The following MGAT4C variants were observed in gnomAD, a reference collection of about 807,000 sequenced individuals.
MGAT4C encodes the protein alpha-1,3-mannosyl-glycoprotein 4-beta-N-acetylglucosaminyltransferase C.
A neutral mutation model predicts 40.1 loss-of-function variants in MGAT4C; 19 were observed. That is an observed-to-expected ratio of 0.47 (90% CI 0.33 to 0.70). The LOEUF (loss-of-function observed/expected upper bound fraction) is 0.70. Ranked by LOEUF, MGAT4C falls within the 30% of genes least tolerant of loss-of-function variation. The pLI is 0.02. For synonymous variants in MGAT4C, 181 were observed against 187.1 expected, an observed-to-expected ratio of 0.97 and a Z score of 0.27; for missense variants, 491 against 563.2, an observed-to-expected ratio of 0.87 and a Z score of 1.30.
At chr12:86,294,242 G>T (rs1169133936) in intron 4 of MGAT4C, among the ~76,000 whole-genome samples, 1 of 151,964 alleles carries the variant, frequency 6.6e-6, no homozygotes, top group African/African-American at 2.4e-5. Flanking sequence ...ATGTTTGGGG[G>T]CCTCCTTTCC....
At chr12:86,529,144 G>A (rs925664979) in intron 2 of MGAT4C, among the ~76,000 whole-genome samples, 7 of 152,024 alleles carry the variant, frequency 4.6e-5, no homozygotes, top group African/African-American at 1.7e-4. Flanking sequence ...ATCCAAAGGG[G>A]CAAGTGCATT....
At chr12:86,021,342 T>C (rs989118470) in intron 2 of MGAT4C, among the ~76,000 whole-genome samples, 39 of 151,912 alleles carry the variant, frequency 2.6e-4, no homozygotes, top group African/African-American at 9.0e-4. Context: ...CCAACACAAA[T>C]GTCCAACAAA....
chr12:86,520,662 C>T (rs1958777553), intron 2 of MGAT4C, among the ~76,000 whole-genome samples: 1 of 152,104 alleles, frequency 6.6e-6, no homozygotes, highest in Admixed American at 6.6e-5. Context: ...CACTGTCTTC[C>T]ACAATGGTTG....
chr12:86,317,280 G>A (rs1346085608), intron 4 of MGAT4C, among the ~76,000 whole-genome samples: 1 of 151,718 alleles, frequency 6.6e-6, no homozygotes, highest in Non-Finnish European at 1.5e-5. Flanking sequence ...GGAAGAGAGA[G>A]GTGAAGGAAG....
intron 3 of MGAT4C, among the ~76,000 whole-genome samples, chr12:86,369,383 G>C (rs1215702894): frequency 1.3e-5 from 2 of 151,592 alleles, no homozygotes; most frequent in Non-Finnish European, 3.0e-5. Flanking sequence ...TGTTGTTTTT[G>C]TGTCTTTTTG....
chr12:86,015,892 G>C, intron 2 of MGAT4C: 1 of 152,186 alleles, frequency 6.6e-6, no homozygotes, highest in East Asian at 1.9e-4. Flanking sequence ...CGTGAAGCTG[G>C]TAGGTGAGTG....
chr12:86,465,759 G>A (rs1472653407), intron 2 of MGAT4C, among the ~76,000 whole-genome samples: 3 of 152,142 alleles, frequency 2.0e-5, no homozygotes, highest in African/African-American at 7.2e-5. Flanking sequence ...GGAGCAATGG[G>A]AGCTCTCTTT....
chr12:86,463,612 G>C (rs1957634285), intron 2 of MGAT4C, among the ~76,000 whole-genome samples: 1 of 151,834 alleles, frequency 6.6e-6, no homozygotes, highest in African/African-American at 2.4e-5. Context: ...ATACAAATTA[G>C]GTTAGATTCA....
chr12:86,394,154 G>A (rs1245568632), intron 3 of MGAT4C, among the ~76,000 whole-genome samples: 3 of 152,266 alleles, frequency 2.0e-5, no homozygotes, highest in Middle Eastern at 3.4e-3. Flanking sequence ...AGAGAAGAGG[G>A]AAGGATTACT....
intron 1 of MGAT4C, among the ~76,000 whole-genome samples, chr12:86,100,049 T>C (rs1214110123): frequency 6.7e-6 from 1 of 149,728 alleles, no homozygotes; most frequent in African/African-American, 2.4e-5. Flanking sequence ...GAATCTTTTA[T>C]TCTATTAAAT....
intron 2 of MGAT4C, among the ~76,000 whole-genome samples, chr12:86,684,400 A>T (rs1343934502): frequency 6.6e-6 from 1 of 152,204 alleles, no homozygotes; most frequent in African/African-American, 2.4e-5. Context: ...CATGGTATAT[A>T]TGTGCCACAT....
chr12:86,001,140 A>G (rs1225769328), intron 2 of MGAT4C, among the ~76,000 whole-genome samples: 4 of 152,074 alleles, frequency 2.6e-5, no homozygotes, highest in African/African-American at 7.2e-5. Context: ...ACCCACCACT[A>G]TCTCCCAGGT....
At chr12:86,247,148 T>G (rs566186408) in intron 1 of MGAT4C, among the ~76,000 whole-genome samples, 4 of 152,218 alleles carry the variant, frequency 2.6e-5, no homozygotes, top group Non-Finnish European at 4.4e-5. Context: ...GCACAATCTG[T>G]TCTCTTACTT....
intron 2 of MGAT4C, among the ~76,000 whole-genome samples, chr12:86,715,756 T>G (rs1271335374): frequency 6.6e-6 from 1 of 152,180 alleles, no homozygotes; most frequent in African/African-American, 2.4e-5. Context: ...CTAGACTTAT[T>G]TGATGTCTTA....
intron 4 of MGAT4C, among the ~76,000 whole-genome samples, chr12:86,317,098 T>C (rs866217437): frequency 6.6e-6 from 1 of 152,054 alleles, no homozygotes; most frequent in South Asian, 2.1e-4. Flanking sequence ...ATAATAGTAA[T>C]TGGCTCTATT....
At chr12:86,523,258 T>C (rs1014406126) in intron 2 of MGAT4C, among the ~76,000 whole-genome samples, 3 of 152,168 alleles carry the variant, frequency 2.0e-5, no homozygotes, top group African/African-American at 7.2e-5. Flanking sequence ...AATACTGCCT[T>C]TGCTGTTTCT....
intron 2 of MGAT4C, among the ~76,000 whole-genome samples, chr12:86,614,777 T>C (rs981962016): frequency 6.6e-6 from 1 of 152,026 alleles, no homozygotes; most frequent in African/African-American, 2.4e-5. Context: ...GTAGATTCAC[T>C]GTGGAGTTTA....
chr12:86,618,990 A>G (rs1962552059), intron 2 of MGAT4C, among the ~76,000 whole-genome samples: 1 of 151,918 alleles, frequency 6.6e-6, no homozygotes, highest in South Asian at 2.1e-4. Context: ...TAATAAAAGT[A>G]ACAATAAAAT....
intron 1 of MGAT4C, among the ~76,000 whole-genome samples, chr12:86,182,498 T>C (rs1888235643): frequency 1.3e-5 from 2 of 152,106 alleles, no homozygotes; most frequent in Non-Finnish European, 2.9e-5. Context: ...CCATTCTGTC[T>C]TGCCTGTTAT....
Sources: gnomAD v4.1 joint callset for allele counts (sites outside exome capture counted in the v4.1 genomes callset) on GRCh38, gnomAD v4.1.1 for gene constraint, MANE v1.5 for transcripts, NCBI Gene and HGNC (gene_info 2026-07-23, HGNC 2026-07-21) for gene names.